The following CDS2 variants were observed in gnomAD, a reference collection of about 807,000 sequenced individuals.
CDS2 encodes CDP-diacylglycerol synthase 2, also known as phosphatidate cytidylyltransferase 2.
A neutral mutation model predicts 59.0 loss-of-function variants in CDS2; 47 were observed. That is an observed-to-expected ratio of 0.80 (90% CI 0.63 to 1.02). The LOEUF (loss-of-function observed/expected upper bound fraction) is 1.02, where lower values mean the gene tolerates loss of function less well. Ranked by LOEUF, CDS2 falls within the 50% of genes least tolerant of loss-of-function variation. CDS2 has a pLI of 0.00. For missense variants in CDS2, 356 were observed against 558.9 expected, an observed-to-expected ratio of 0.64 and a Z score of 3.66; for synonymous variants, 207 against 206.4, an observed-to-expected ratio of 1.00 and a Z score of -0.02.
chr20:5,174,720 CAA>C (rs60174280), intron 2 of CDS2, among the ~76,000 whole-genome samples: 4,115 of 117,012 alleles, frequency 0.035, 78 homozygotes, highest in East Asian at 0.095. Context: ...AACTCTGTCT[CAA>C]AAAAAAAAAA....
intron 1 of CDS2, among the ~76,000 whole-genome samples, chr20:5,146,185 C>T (rs1330448674): frequency 6.6e-6 from 1 of 152,294 alleles, no homozygotes; most frequent in African/African-American, 2.4e-5. Context: ...CTTTTGTTGA[C>T]ATTTTTTAGT....
chr20:5,174,336 A>G (rs992104894), intron 2 of CDS2, among the ~76,000 whole-genome samples: 2 of 152,182 alleles, frequency 1.3e-5, no homozygotes, highest in African/African-American at 4.8e-5. Context: ...TTCAGATCCC[A>G]GCTTTACTGT....
At chr20:5,136,878 G>C (rs904040319) in intron 1 of CDS2, among the ~76,000 whole-genome samples, 4 of 152,082 alleles carry the variant, frequency 2.6e-5, no homozygotes, top group African/African-American at 9.7e-5. Flanking sequence ...GTGTACAAAT[G>C]ATTTTGTCAC....
intron 1 of CDS2, among the ~76,000 whole-genome samples, chr20:5,166,776 T>C (rs2090916206): frequency 6.6e-6 from 1 of 152,178 alleles, no homozygotes; most frequent in Admixed American, 6.5e-5. Context: ...GACAAAGTCC[T>C]TGTTGACCTG....
chr20:5,175,445 C>T, intron 3 of CDS2, 166 bp downstream of exon 3: 2 of 589,400 alleles, frequency 3.4e-6, no homozygotes, highest in Non-Finnish European at 6.1e-6. Flanking sequence ...TCAGTAGCCA[C>T]CTGGAGGGTC....
At chr20:5,148,195 A>G (rs1337355565) in intron 1 of CDS2, among the ~76,000 whole-genome samples, 1 of 152,182 alleles carries the variant, frequency 6.6e-6, no homozygotes, top group Non-Finnish European at 1.5e-5. Flanking sequence ...CCATTGCAAC[A>G]GAAATATCTC....
intron 1 of CDS2, among the ~76,000 whole-genome samples, chr20:5,171,066 C>G (rs1320950267): frequency 6.6e-6 from 1 of 152,240 alleles, no homozygotes; most frequent in Non-Finnish European, 1.5e-5. Flanking sequence ...TAACAGTTCT[C>G]TATCTCCTTT....
intron 5 of CDS2, 121 bp downstream of exon 5, chr20:5,179,077 G>A: frequency 1.1e-6 from 1 of 904,468 alleles, no homozygotes; most frequent in Non-Finnish European, 1.8e-6. Context: ...GACCATGCAG[G>A]GGAGCAGAGC....
At chr20:5,189,982 C>G (rs1401177536) in intron 12 of CDS2, 120 bp from the exon 13 acceptor site, 2 of 1,418,690 alleles carry the variant, frequency 1.4e-6, no homozygotes. Flanking sequence ...TTTCTGAGGC[C>G]TCCTGTCATC....
intron 10 of CDS2, 155 bp downstream of exon 10, chr20:5,186,994 T>C: frequency 1.3e-6 from 1 of 751,740 alleles, no homozygotes; most frequent in Non-Finnish European, 2.2e-6. Context: ...CAGGTCAGGG[T>C]ATGGGCAGGA....
In CDS2 at chr20:5,195,602, G is replaced by A. The variant is rs2091151543; in HGVS notation, c.*5368G>A. On this transcript the variant is annotated 3_prime_UTR_variant, in exon 13 of 13. Transcript: ENST00000460006. Reference sequence around the variant, plus strand: ...CCGCTCTGGCCAAGGGCTGTCTTCTGTGCACATAGCTCAGGAGCCTGCAGC... The same window carrying A: ...CCGCTCTGGCCAAGGGCTGTCTTCTATGCACATAGCTCAGGAGCCTGCAGC... The A allele has an allele frequency of 6.6e-6, 1 of 152,454 alleles. No individual in the cohort carries two copies. The highest frequency in any genetic ancestry group is 2.1e-4 in the South Asian group (1 of 4,834). The allele number at this position is 152,454 out of a possible 1,614,324, so 9.4% of individuals were successfully genotyped here. A position where few individuals can be genotyped will look rare whatever the true frequency, so the allele number is the denominator to read the frequency against.
chr20:5,158,051 G>A (rs1231745010), intron 1 of CDS2, among the ~76,000 whole-genome samples: 1 of 151,186 alleles, frequency 6.6e-6, no homozygotes, highest in Admixed American at 6.6e-5. Context: ...TTGTTTGCTT[G>A]TTTTAGCTTA....
Position 5,178,940 on chromosome 20 carries a change from TA to T in CDS2, c.514del (p.Thr172LeufsTer4). 1.2e-6 allele frequency: 2 copies of T among 1,614,134 alleles called. No individual in the cohort carries two copies. Among genetic ancestry groups the T allele is most frequent in the Non-Finnish European group, 1.7e-6 (2 of 1,179,954 alleles). ...GTAAATACCACCGGTTCATTTCCTT[TA>T]CTCTCTATCTAATAGGTATGCATTA... ...LSKYHRFISF[T>X]LYLIGFCMFV... On this transcript the variant is annotated frameshift_variant, in exon 5 of 13. Coordinates refer to ENST00000460006, the MANE Select transcript of CDS2 (RefSeq NM_003818.4). LOFTEE classifies it high-confidence loss of function.
At chr20:5,177,363 A>C (rs545087432) in intron 4 of CDS2, among the ~76,000 whole-genome samples, 1 of 152,146 alleles carries the variant, frequency 6.6e-6, no homozygotes, top group African/African-American at 2.4e-5. Flanking sequence ...GCCCTACTTC[A>C]TCAGAGGTGT....
intron 1 of CDS2, among the ~76,000 whole-genome samples, chr20:5,155,708 T>C (rs1448576684): frequency 6.6e-6 from 1 of 152,222 alleles, no homozygotes; most frequent in Non-Finnish European, 1.5e-5. Context: ...TCTTTTGCCA[T>C]GTAAGGTAAT....
intron 1 of CDS2, among the ~76,000 whole-genome samples, chr20:5,163,783 C>CTTTTTTTTTTTTT (rs1568536662): frequency 7.0e-6 from 1 of 142,612 alleles, no homozygotes; most frequent in African/African-American, 2.6e-5. Context: ...TTCATAATTT[C>CTTTTTTTTTTTTT]TTTCTTTCTT....
At chr20:5,134,268 G>GA (rs1401035825) in intron 1 of CDS2, among the ~76,000 whole-genome samples, 2 of 152,192 alleles carry the variant, frequency 1.3e-5, no homozygotes, top group African/African-American at 4.8e-5. Context: ...CTGTTAGCAT[G>GA]AGAACCATTT....
chr20:5,139,015 A>G (rs892882096), intron 1 of CDS2, among the ~76,000 whole-genome samples: 5 of 152,332 alleles, frequency 3.3e-5, no homozygotes, highest in East Asian at 1.9e-4. Flanking sequence ...CTGTGAAGCT[A>G]TCGCAACCAA....
rs761112917 is a variant in CDS2 at position 5,185,806 on chromosome 20, A to G, written c.808A>G (p.Thr270Ala). The change falls in exon 9 of 13, where the codon ACT becomes GCT. Residue 270 changes from threonine to alanine, a missense_variant. By Grantham distance (58) the Thr-to-Ala change is moderately conservative. Coordinates refer to ENST00000460006, the MANE Select transcript of CDS2 (RefSeq NM_003818.4). The part of the protein sequence containing the change: ...WEGFIGGFFA[T>A]VVFGLLLSYV... Reference sequence around the variant, plus strand: ...AGGCTTCATTGGGGGCTTCTTTGCTACTGTGGTGTTTGGCCTTCTGGTAGG... The same window carrying G: ...AGGCTTCATTGGGGGCTTCTTTGCTGCTGTGGTGTTTGGCCTTCTGGTAGG... The G allele has an allele frequency of 1.4e-5, 23 of 1,614,202 alleles. No homozygotes were observed. The Admixed American group carries it at 2.2e-4, about 15-fold the overall frequency.
Sources: allele counts gnomAD v4.1 joint callset (sites outside exome capture counted in the v4.1 genomes callset), GRCh38; gene constraint gnomAD v4.1.1; transcripts MANE v1.5; gene names NCBI Gene and HGNC (gene_info 2026-07-23, HGNC 2026-07-21).